The following PDE3A variants were observed in gnomAD, a reference collection of about 807,000 sequenced individuals.
PDE3A encodes phosphodiesterase 3A, also known as cGMP-inhibited 3',5'-cyclic phosphodiesterase 3A.
In PDE3A, 43 loss-of-function variants were observed where a neutral mutation model predicts 98.3. The ratio of observed to expected loss-of-function variants is 0.44; its 90% CI spans 0.34 to 0.56. The LOEUF is 0.56. Among genes scored for constraint, PDE3A ranks in the 20% least tolerant of loss-of-function variants. PDE3A has a pLI of 0.01. For missense variants in PDE3A, 1,427 were observed against 1,440.7 expected (o/e 0.99, Z 0.15); for synonymous variants, 663 against 567.9 (o/e 1.17, Z -2.38).
At chr12:20,645,824 T>A (rs1028648162) in intron 10 of PDE3A, among the ~76,000 whole-genome samples, 55 of 152,154 alleles carry the variant, frequency 3.6e-4, no homozygotes, top group African/African-American at 1.3e-3. Context: ...CCTGTAGGTT[T>A]TAACTCTTCT....
chr12:20,621,054 C>T (rs1226536015), intron 4 of PDE3A, among the ~76,000 whole-genome samples: 1 of 152,024 alleles, frequency 6.6e-6, no homozygotes, highest in African/African-American at 2.4e-5. Context: ...AGAAAGTTAT[C>T]TTTCCTCTTT....
At chr12:20,390,978 C>T (rs1943902772) in intron 1 of PDE3A, among the ~76,000 whole-genome samples, 1 of 151,816 alleles carries the variant, frequency 6.6e-6, no homozygotes, top group South Asian at 2.1e-4. Flanking sequence ...CTGAATCCTA[C>T]CGATGAAAGA....
intron 1 of PDE3A, among the ~76,000 whole-genome samples, chr12:20,384,335 G>A (rs1307970415): frequency 2.0e-5 from 3 of 151,584 alleles, no homozygotes; most frequent in South Asian, 2.1e-4. Flanking sequence ...AAGTTTTTTA[G>A]TTTGTTAGGA....
At chr12:20,521,227 G>A (rs376990603) in intron 1 of PDE3A, among the ~76,000 whole-genome samples, 1 of 151,768 alleles carries the variant, frequency 6.6e-6, no homozygotes. Flanking sequence ...GGAAATAGGT[G>A]GATATAGTTT....
At chr12:20,403,421 T>C (rs1424567119) in intron 1 of PDE3A, among the ~76,000 whole-genome samples, 1 of 152,192 alleles carries the variant, frequency 6.6e-6, no homozygotes, top group Non-Finnish European at 1.5e-5. Flanking sequence ...GTCAGGTTAA[T>C]AGTCTTATTT....
chr12:20,419,538 C>G (rs978741610), intron 1 of PDE3A, among the ~76,000 whole-genome samples: 3 of 151,668 alleles, frequency 2.0e-5, no homozygotes, highest in African/African-American at 7.3e-5. Flanking sequence ...TCCAAGGATG[C>G]TTTTCAAAAT....
At chr12:20,644,733 A>G (rs1944731387) in intron 10 of PDE3A, among the ~76,000 whole-genome samples, 1 of 152,032 alleles carries the variant, frequency 6.6e-6, no homozygotes, top group Non-Finnish European at 1.5e-5. Context: ...CAAGTACCAT[A>G]TAATATTATT....
At chr12:20,556,993 G>T in intron 2 of PDE3A, 1 of 369,868 alleles carries the variant, frequency 2.7e-6, no homozygotes, top group Non-Finnish European at 4.8e-6. Flanking sequence ...ATTTTGATCA[G>T]CAACCCACTC....
chr12:20,585,573 C>T (rs1943173053), intron 2 of PDE3A, among the ~76,000 whole-genome samples: 1 of 152,178 alleles, frequency 6.6e-6, no homozygotes, highest in Non-Finnish European at 1.5e-5. Flanking sequence ...AGTAACAAAA[C>T]TTCTGTGAGT....
At chr12:20,669,270 A>G (rs970618517) in intron 15 of PDE3A, among the ~76,000 whole-genome samples, 1 of 152,218 alleles carries the variant, frequency 6.6e-6, no homozygotes, top group Admixed American at 6.5e-5. Flanking sequence ...GTTGGAAAAC[A>G]TGCTGCAGGA....
chr12:20,627,265 G>A (rs952028250), intron 5 of PDE3A, among the ~76,000 whole-genome samples: 2 of 151,666 alleles, frequency 1.3e-5, no homozygotes, highest in South Asian at 4.2e-4. Flanking sequence ...TTATGACACA[G>A]CAATTACTTT....
intron 1 of PDE3A, among the ~76,000 whole-genome samples, chr12:20,526,703 A>G (rs952234005): frequency 6.7e-6 from 1 of 148,658 alleles, no homozygotes; most frequent in Non-Finnish European, 1.5e-5. Context: ...TATTTCCTAT[A>G]GTGCCTATCT....
chr12:20,687,923 A>AAG lies in PDE3A; in HGVS notation c.*7653_*7654insGA, dbSNP rs1409133315. ...TTACCTCTTCCCAACAGAAAAAAAA[A>AAG]AAAAAAAAAAAAAACTGGCATTGGC... On this transcript the variant is annotated 3_prime_UTR_variant, in exon 16 of 16. Coordinates refer to ENST00000359062, the MANE Select transcript of PDE3A (RefSeq NM_000921.5). 6.6e-6 allele frequency among the ~76,000 whole-genome samples: 1 copy of AAG among 150,428 alleles called. No individual in the cohort carries two copies. The highest frequency in any genetic ancestry group is 2.4e-5 in the African/African-American group (1 of 41,108).
intron 1 of PDE3A, among the ~76,000 whole-genome samples, chr12:20,433,660 CA>C (rs1330256932): frequency 6.6e-6 from 1 of 152,012 alleles, no homozygotes; most frequent in Non-Finnish European, 1.5e-5. Flanking sequence ...TTAAGAACAG[CA>C]TACGTTTTTT....
rs1446710626 is a variant in PDE3A, at chr12:20,643,969, C to T, written c.2252-2521C>T. ...GAATAGATGTTATCAATTCCTTACC[C>T]CAAACAGGCTCTGCCAACACTGTGA... is the stretch of plus-strand genomic sequence containing the variant. On this transcript the variant is annotated intron_variant, in intron 10 of 15. Transcript: ENST00000359062. 3.9e-5 allele frequency among the ~76,000 whole-genome samples: 6 copies of T among 152,046 alleles called. No homozygotes were observed. The East Asian group carries it at 7.7e-4, about 20-fold the overall frequency.
intron 4 of PDE3A, among the ~76,000 whole-genome samples, chr12:20,617,435 G>C (rs1393621837): frequency 1.3e-5 from 2 of 151,914 alleles, no homozygotes; most frequent in African/African-American, 4.8e-5. Context: ...CCTATTACCT[G>C]GACTTTTGTA....
rs975936608 is a variant in PDE3A at position 20,429,384 on chromosome 12, G to T, written c.960+59140G>T. ...TTATTATTAACCCTTGCCTCAAATT[G>T]TTCCCTGGGAGAGTGCTGCAGGCTA... On this transcript the variant is annotated intron_variant, in intron 1 of 15. Transcript: ENST00000359062. Among the ~76,000 whole-genome samples the T allele has an allele frequency of 3.9e-5, 6 of 152,130 alleles. No individual in the cohort carries two copies. The East Asian group carries it at 1.2e-3, about 29-fold the overall frequency.
intron 1 of PDE3A, among the ~76,000 whole-genome samples, chr12:20,444,323 G>C (rs564586213): frequency 1.3e-5 from 2 of 152,148 alleles, no homozygotes; most frequent in Non-Finnish European, 2.9e-5. Context: ...CATCTAATAA[G>C]ACTTCACACT....
At chr12:20,459,709 A>G (rs1945214732) in intron 1 of PDE3A, among the ~76,000 whole-genome samples, 1 of 152,206 alleles carries the variant, frequency 6.6e-6, no homozygotes, top group African/African-American at 2.4e-5. Flanking sequence ...TAGTACCATT[A>G]ATGATGGGAA....
Sources: allele counts gnomAD v4.1 joint callset (sites outside exome capture counted in the v4.1 genomes callset), GRCh38; gene constraint gnomAD v4.1.1; transcripts MANE v1.5; gene names NCBI Gene and HGNC (gene_info 2026-07-23, HGNC 2026-07-21).